The following NT5DC3 variants were observed in gnomAD, a reference collection of about 807,000 sequenced individuals.
NT5DC3 encodes the protein 5'-nucleotidase domain-containing protein 3.
NT5DC3 carries 42 observed loss-of-function variants against 67.8 expected under a neutral mutation model. That is an observed-to-expected ratio of 0.62 (90% confidence interval 0.48 to 0.80). The LOEUF is 0.80. Ranked by LOEUF, NT5DC3 falls within the 30% of genes least tolerant of loss-of-function variation. The pLI, the probability that NT5DC3 is intolerant of heterozygous loss-of-function variation, is 0.00. For synonymous variants in NT5DC3, 237 were observed against 255.6 expected (o/e 0.93, Z 0.69); for missense variants, 570 against 696.4 (o/e 0.82, Z 2.04).
chr12:103,805,862 A>G (rs1036064433), intron 4 of NT5DC3, among the ~76,000 whole-genome samples: 13 of 151,226 alleles, frequency 8.6e-5, no homozygotes, highest in African/African-American at 3.2e-4. Context: ...AAAAAAAAAA[A>G]AAAAAAAAGT....
chr12:103,778,214 A>G, intron 13 of NT5DC3, 133 bp from the exon 14 acceptor site: 1 of 942,740 alleles, frequency 1.1e-6, no homozygotes, highest in Non-Finnish European at 1.5e-6. Flanking sequence ...GTTAGCCTAG[A>G]GCAGCCCCAA....
the NT5DC3 span, chr12:103,746,604 T>G: frequency 6.2e-7 from 1 of 1,614,078 alleles, no homozygotes. Context: ...CAGTTTTGCC[T>G]GCAGTGTGTA....
the NT5DC3 span, among the ~76,000 whole-genome samples, chr12:103,751,239 G>A: frequency 1.7e-4 from 26 of 152,270 alleles, no homozygotes; most frequent in Non-Finnish European, 3.2e-4. Flanking sequence ...CTTGAATTGG[G>A]CTAGAGGAGC....
chr12:103,795,065 T>A (rs544002414), intron 6 of NT5DC3, among the ~76,000 whole-genome samples: 1 of 152,304 alleles, frequency 6.6e-6, no homozygotes, highest in South Asian at 2.1e-4. Context: ...AGTGAGCACT[T>A]CTGGACTGCA....
chr12:103,790,694 C>CTTTTTTTT (rs67812943), intron 9 of NT5DC3, among the ~76,000 whole-genome samples: 3 of 74,412 alleles, frequency 4.0e-5, no homozygotes, highest in Non-Finnish European at 4.9e-5. Context: ...CCAAGTACAT[C>CTTTTTTTT]TTTTTTTTTT....
At chr12:103,767,909 C>T (rs1407047231), downstream of NT5DC3, among the ~76,000 whole-genome samples, 4 of 150,674 alleles carry the variant, frequency 2.7e-5, no homozygotes, top group East Asian at 5.9e-4. Flanking sequence ...GGTGAAACCC[C>T]GTCTCTACTA....
chr12:103,784,700 A>G (rs1010024089), intron 12 of NT5DC3, among the ~76,000 whole-genome samples: 1 of 152,236 alleles, frequency 6.6e-6, no homozygotes, highest in Non-Finnish European at 1.5e-5. Context: ...TGGAGAATTA[A>G]GGGGATACAG....
At chr12:103,761,168 C>T in the NT5DC3 span, 1 of 740,016 alleles carries the variant, frequency 1.4e-6, no homozygotes, top group African/African-American at 1.7e-5. Context: ...AGGAGAAGTC[C>T]TGGGCTGCCT....
At chr12:103,750,097 A>G in the NT5DC3 span, among the ~76,000 whole-genome samples, 1 of 151,264 alleles carries the variant, frequency 6.6e-6, no homozygotes, top group Non-Finnish European at 1.5e-5. Context: ...TGGGGATTAA[A>G]GGAGATCATT....
intron 1 of NT5DC3, among the ~76,000 whole-genome samples, chr12:103,829,446 T>G (rs1041592796): frequency 6.6e-5 from 10 of 152,284 alleles, no homozygotes; most frequent in Non-Finnish European, 1.3e-4. Flanking sequence ...TATTTATAAC[T>G]TGCTGGTTTT....
In NT5DC3 at chr12:103,798,622, C is replaced by G. The variant is rs778333375; in HGVS notation, c.580G>C (p.Val194Leu). The change falls in exon 5 of 14, where the codon GTG (valine) becomes CTG (leucine). Residue 194 changes from valine (V) to leucine (L), a missense_variant. Val to Leu is a conservative substitution (Grantham distance 32, BLOSUM62 1). Transcript: ENST00000392876. Reference protein sequence around the residue: ...EVIEMYEGSHVPLEQMSDFYG... With the variant: ...EVIEMYEGSHLPLEQMSDFYG... ...AAGTCACTCATCTGCTCCAAGGGCA[C>G]GTGGGACCCCTCGTACATTTCAATG... 1 of 1,613,978 alleles carries G rather than the reference C, an allele frequency of 6.2e-7. No individual in the cohort carries two copies. Among genetic ancestry groups the G allele is most frequent in the Non-Finnish European group, 8.5e-7 (1 of 1,179,844 alleles).
intron 2 of NT5DC3, among the ~76,000 whole-genome samples, chr12:103,814,552 A>T (rs1184264690): frequency 2.6e-5 from 4 of 152,252 alleles, no homozygotes; most frequent in Non-Finnish European, 5.9e-5. Flanking sequence ...TGTACTCAGC[A>T]ATTCAAATTG....
In NT5DC3 at chr12:103,796,900, A is replaced by G; in HGVS notation, c.747T>C (p.Asp249=). The change falls in exon 6 of 14, where the codon GAT becomes GAC. Residue 249 remains aspartate, a synonymous_variant. Coordinates refer to ENST00000392876, the MANE Select transcript of NT5DC3 (RefSeq NM_001031701.3). ...CTCTCACTGTGGATACAACCTTGAC[A>G]TCTTTGTACAGATGCACAGGCTCAT... is the stretch of plus-strand genomic sequence containing the variant. ...IDYEPVHLYK[D]VKDSIRDVHI... is the part of the protein sequence containing the mutation. 1.9e-6 allele frequency: 3 copies of G among 1,614,182 alleles called. No homozygotes were observed. The highest frequency in any genetic ancestry group is 2.5e-6 in the Non-Finnish European group (3 of 1,180,024).
the NT5DC3 span, chr12:103,763,940 T>C: frequency 1.0e-5 from 2 of 195,584 alleles, no homozygotes; most frequent in African/African-American, 2.3e-5. Flanking sequence ...ATTTATGAGG[T>C]AGCAGGTGCA....
At chr12:103,818,191 C>G (rs186318523) in intron 1 of NT5DC3, among the ~76,000 whole-genome samples, 15 of 152,242 alleles carry the variant, frequency 9.9e-5, no homozygotes, top group African/African-American at 2.2e-4. Flanking sequence ...TAAAACCAAG[C>G]CTTTATATCC....
chr12:103,807,091 C>T (rs1307118261), intron 2 of NT5DC3, among the ~76,000 whole-genome samples, 162 bp from the exon 3 acceptor site: 2 of 152,174 alleles, frequency 1.3e-5, no homozygotes, highest in Admixed American at 6.5e-5. Flanking sequence ...CCAATCCAAG[C>T]GCCTCCTAGC....
At chr12:103,765,812 GATTA>G (rs1212522542), downstream of NT5DC3, among the ~76,000 whole-genome samples, 4 of 152,210 alleles carry the variant, frequency 2.6e-5, no homozygotes, top group African/African-American at 7.2e-5. Context: ...GAAGTGCTGG[GATTA>G]CAGGCGCGAG....
chr12:103,789,122 G>GA (rs574746413), intron 9 of NT5DC3: 37 of 518,912 alleles, frequency 7.1e-5, no homozygotes, highest in Admixed American at 1.3e-4. Flanking sequence ...GGTGTTCCAC[G>GA]AAAAAAAAGA....
the NT5DC3 span, among the ~76,000 whole-genome samples, chr12:103,756,092 C>G: frequency 6.8e-6 from 1 of 147,116 alleles, no homozygotes; most frequent in Non-Finnish European, 1.5e-5. Context: ...AGTTTAAGAG[C>G]ATGGTCTACA....
Sources: allele counts gnomAD v4.1 joint callset (sites outside exome capture counted in the v4.1 genomes callset), GRCh38; gene constraint gnomAD v4.1.1; transcripts MANE v1.5; gene names NCBI Gene and HGNC (gene_info 2026-07-23, HGNC 2026-07-21).